The following NSD1 variants were observed in gnomAD, a reference collection of about 807,000 sequenced individuals.
NSD1 encodes the protein nuclear receptor binding SET domain protein 1.
NSD1 carries 26 observed loss-of-function variants against 242.7 expected under a neutral mutation model. The observed-to-expected ratio is 0.11, with a 90% CI of 0.08 to 0.15. The LOEUF (loss-of-function observed/expected upper bound fraction) is 0.15. Among genes scored for constraint, NSD1 ranks in the 10% least tolerant of loss-of-function variants. The probability of loss-of-function intolerance (pLI) is 1.00; values close to 1 mark genes in which losing one functional copy is unlikely to be tolerated. For missense variants in NSD1, 2,495 were observed against 3,272.8 expected, an observed-to-expected ratio of 0.76 and a Z score of 5.80; for synonymous variants, 1,106 against 1,178.1, an observed-to-expected ratio of 0.94 and a Z score of 1.25.
At chr5:177,252,536 GTTCTTTTTTTTTTTTTTT>G (rs1017067757) in intron 12 of NSD1, among the ~76,000 whole-genome samples, 1 of 98,996 alleles carries the variant, frequency 1.0e-5, no homozygotes, top group African/African-American at 4.3e-5. Context: ...AAAGTAAAGT[GTTCTTTTTTTTTTTTTTT>G]TTTTTTTTTT....
chr5:177,170,290 T>C (rs149948805), intron 2 of NSD1, among the ~76,000 whole-genome samples: 1 of 152,002 alleles, frequency 6.6e-6, no homozygotes, highest in South Asian at 2.1e-4. Context: ...TAATTTATTT[T>C]TTTTTCTTTT....
In NSD1 at chr5:177,135,908, G is replaced by A. The variant is rs751787444; in HGVS notation, c.805G>A (p.Glu269Lys). The A allele has an allele frequency of 1.2e-6, 2 of 1,612,152 alleles. No homozygotes were observed. Among genetic ancestry groups the A allele is most frequent in the Non-Finnish European group, 1.7e-6 (2 of 1,178,386 alleles). Residue 269 changes from glutamate to lysine, a missense_variant, in exon 2 of 23, where the codon GAG becomes AAG. Physicochemically the swap from Glu to Lys is moderately conservative, Grantham distance 56. Transcript: ENST00000439151. ...AGGAGACACAAACATTACAATAGAA[G>A]AGCAATTAAACTCAATAAATTTATC... Reference protein sequence around the residue: ...SLGDTNITIEEQLNSINLSFQ... With the variant: ...SLGDTNITIEKQLNSINLSFQ...
intron 2 of NSD1, among the ~76,000 whole-genome samples, chr5:177,158,297 C>CTTTTCT (rs1554172559): frequency 3.7e-4 from 38 of 104,080 alleles, no homozygotes; most frequent in South Asian, 5.9e-4. Context: ...TTCTTTCTTT[C>CTTTTCT]TTTCTTTTCT....
chr5:177,165,541 A>T (rs960090423), intron 2 of NSD1, among the ~76,000 whole-genome samples: 3 of 152,128 alleles, frequency 2.0e-5, no homozygotes, highest in Non-Finnish European at 4.4e-5. Context: ...AACTAGGGAT[A>T]TGATTCGCAA....
At chr5:177,229,254 G>A (rs1392607670) in intron 5 of NSD1, among the ~76,000 whole-genome samples, 1 of 151,990 alleles carries the variant, frequency 6.6e-6, no homozygotes, top group East Asian at 1.9e-4. Flanking sequence ...TGAGGTCTAC[G>A]GCTATTGCTA....
chr5:177,236,520 A>T lies in NSD1; in HGVS notation c.3921+575A>T, dbSNP rs184469439. Among the ~76,000 whole-genome samples, 52 of 152,354 alleles carry T rather than the reference A, an allele frequency of 3.4e-4. 1 individual carries two copies. The highest frequency in any genetic ancestry group is 5.2e-4 in the Admixed American group (8 of 15,308). ...ACCAGGACTCAATCTAGGACTGCTC[A>T]TTGTAACTGGTTGTTATGGTTCTCA... is the stretch of plus-strand genomic sequence containing the variant. On this transcript the variant is annotated intron_variant, in intron 6 of 22. Coordinates refer to ENST00000439151, the MANE Select transcript of NSD1 (RefSeq NM_022455.5).
intron 11 of NSD1, among the ~76,000 whole-genome samples, chr5:177,251,434 C>T (rs1365304556): frequency 6.6e-6 from 1 of 152,132 alleles, no homozygotes; most frequent in Admixed American, 6.5e-5. Flanking sequence ...CATTCAGTAG[C>T]TTTCTGGTTT....
At chr5:177,273,829 A>G (rs775180201) in intron 17 of NSD1, 45 bp downstream of exon 17, 4 of 1,264,014 alleles carry the variant, frequency 3.2e-6, no homozygotes, top group Admixed American at 3.5e-5. Flanking sequence ...GAGAAATGGA[A>G]TAGCTGGCTC....
intron 5 of NSD1, among the ~76,000 whole-genome samples, chr5:177,212,546 A>T (rs1227236311): frequency 7.4e-6 from 1 of 135,542 alleles, no homozygotes; most frequent in East Asian, 2.1e-4. Flanking sequence ...TGTGTTGCCC[A>T]GGCTGGTCTC....
intron 3 of NSD1, among the ~76,000 whole-genome samples, chr5:177,196,548 T>C (rs1221570601): frequency 6.6e-6 from 1 of 152,196 alleles, no homozygotes; most frequent in African/African-American, 2.4e-5. Flanking sequence ...TTCCATATCA[T>C]AGGATGGCTC....
At chr5:177,264,086 A>G (rs2149924300) in intron 14 of NSD1, among the ~76,000 whole-genome samples, 1 of 113,894 alleles carries the variant, frequency 8.8e-6, no homozygotes, top group East Asian at 2.9e-4. Context: ...GTCAGGCTGG[A>G]GTGCAGTGGC....
At chr5:177,161,490 A>C (rs945417181) in intron 2 of NSD1, among the ~76,000 whole-genome samples, 3 of 152,086 alleles carry the variant, frequency 2.0e-5, no homozygotes, top group Non-Finnish European at 4.4e-5. Context: ...CTATTTTTAA[A>C]AAATTTTTTT....
chr5:177,159,141 C>T (rs896846431), intron 2 of NSD1, among the ~76,000 whole-genome samples: 1 of 150,186 alleles, frequency 6.7e-6, no homozygotes, highest in African/African-American at 2.5e-5. Context: ...CTCCGGGGTT[C>T]AAGTGATTCT....
At position 177,211,688 on chromosome 5, in the gene NSD1, T is replaced by C; in HGVS notation, c.3289T>C (p.Leu1097=). Residue 1097 remains leucine (L), a synonymous_variant, in exon 5 of 23, where the codon TTA becomes CTA. Transcript: ENST00000439151. ...GGATCCCCTTCAGATAATGGGCCAC[T>C]TAACAAGTGAAGATGGTGACCATTT... ...KEDPLQIMGH[L]TSEDGDHFSD... The C allele has an allele frequency of 6.2e-7, 1 of 1,614,120 alleles. No individual in the cohort carries two copies. The highest frequency in any genetic ancestry group is 2.2e-5 in the East Asian group (1 of 44,872).
intron 2 of NSD1, among the ~76,000 whole-genome samples, chr5:177,147,045 A>G (rs1314455153): frequency 1.3e-5 from 2 of 151,078 alleles, no homozygotes; most frequent in South Asian, 2.1e-4. Context: ...TTCTAATACC[A>G]TAAGGATCCC....
Position 177,135,318 on chromosome 5 carries a change from T to C in NSD1, c.215T>C (p.Leu72Pro), listed in dbSNP as rs753071414. The change falls in exon 2 of 23, where the codon CTG (leucine) becomes CCG (proline). Residue 72 changes from leucine to proline, a missense_variant. Transcript: ENST00000439151. ...GQDSPSCYIP[L>P]RRLQDLASMI... The stretch of plus-strand genomic sequence containing the variant: ...GATTCTCCATCTTGTTACATTCCAC[T>C]GCGGAGACTACAGGATTTGGCCTCC... 1 of 1,613,308 alleles carries C rather than the reference T, an allele frequency of 6.2e-7. No individual in the cohort carries two copies. The highest frequency in any genetic ancestry group is 1.1e-5 in the South Asian group (1 of 91,076).
At chr5:177,271,683 G>T (rs145219202) in intron 16 of NSD1, among the ~76,000 whole-genome samples, 1 of 152,320 alleles carries the variant, frequency 6.6e-6, no homozygotes, top group Non-Finnish European at 1.5e-5. Context: ...TAAGCACATG[G>T]TTGGGGGAGT....
At chr5:177,206,261 A>G (rs893877527) in intron 4 of NSD1, among the ~76,000 whole-genome samples, 1 of 152,162 alleles carries the variant, frequency 6.6e-6, no homozygotes, top group African/African-American at 2.4e-5. Flanking sequence ...TGGTTTCCCA[A>G]AGTGCTGGGA....
intron 2 of NSD1, among the ~76,000 whole-genome samples, chr5:177,140,068 A>G (rs1756686262): frequency 6.6e-6 from 1 of 152,166 alleles, no homozygotes; most frequent in Non-Finnish European, 1.5e-5. Context: ...ATCTACCTCT[A>G]AGTGGACTGT....
Sources: allele counts gnomAD v4.1 joint callset (sites outside exome capture counted in the v4.1 genomes callset), GRCh38; gene constraint gnomAD v4.1.1; transcripts MANE v1.5; gene names NCBI Gene and HGNC (gene_info 2026-07-23, HGNC 2026-07-21).